CBLB: variants seen among roughly 807,000 people sequenced by gnomAD.
CBLB encodes E3 ubiquitin-protein ligase CBL-B.
A neutral mutation model predicts 104.9 loss-of-function variants in CBLB; 31 were observed. That is an observed-to-expected ratio of 0.30 (90% CI 0.22 to 0.40). The LOEUF is 0.40. CBLB is among the 10% of genes least tolerant of loss of function. The pLI, the probability that CBLB is intolerant of heterozygous loss-of-function variation, is 1.00. For missense variants in CBLB, 1,062 were observed against 1,214.6 expected (o/e 0.87, Z 1.87); for synonymous variants, 440 against 422.6 (o/e 1.04, Z -0.51).
intron 2 of CBLB, among the ~76,000 whole-genome samples, chr3:105,860,034 A>G (rs1470752663): frequency 6.6e-6 from 1 of 152,236 alleles, no homozygotes. Context: ...GATTGACATT[A>G]AGAAGCACCA....
At chr3:105,789,233 T>C (rs2081369452) in intron 3 of CBLB, among the ~76,000 whole-genome samples, 1 of 152,220 alleles carries the variant, frequency 6.6e-6, no homozygotes, top group African/African-American at 2.4e-5. Flanking sequence ...ATTATCACGA[T>C]ACTCAATTCT....
Position 105,655,530 on chromosome 3 carries a change from AGAATT to A in CBLB, c.*3435_*3439del, listed in dbSNP as rs770015117. 1 of 177,476 alleles carries A rather than the reference AGAATT, an allele frequency of 5.6e-6. No individual in the cohort carries two copies. The allele number at this position is 177,476 out of a possible 1,614,324, so 11.0% of individuals were successfully genotyped here. The stretch of plus-strand genomic sequence containing the variant: ...AAGTACTTGAGGTTACATAATAACC[AGAATT>A]GAAAAGGAATGAATAAAATATAAAT... On this transcript the variant is annotated 3_prime_UTR_variant, in exon 19 of 19. Transcript: ENST00000394030.
chr3:105,804,858 C>T (rs1243447911), intron 3 of CBLB, among the ~76,000 whole-genome samples: 1 of 152,070 alleles, frequency 6.6e-6, no homozygotes, highest in Non-Finnish European at 1.5e-5. Context: ...TATAGTAGAA[C>T]AGCCTTCCTT....
chr3:105,797,354 T>A (rs1407913651), intron 3 of CBLB, among the ~76,000 whole-genome samples: 1 of 152,130 alleles, frequency 6.6e-6, no homozygotes, highest in Non-Finnish European at 1.5e-5. Flanking sequence ...ATACCATATA[T>A]CCTCTTGTTT....
chr3:105,769,011 T>C (rs1306668449), intron 4 of CBLB, among the ~76,000 whole-genome samples: 1 of 152,214 alleles, frequency 6.6e-6, no homozygotes, highest in Non-Finnish European at 1.5e-5. Context: ...ATTATTCATG[T>C]AGTCTGTTAA....
chr3:105,751,658 T>C, intron 4 of CBLB, 40 bp from the exon 5 acceptor site: 1 of 1,554,962 alleles, frequency 6.4e-7, no homozygotes, highest in Non-Finnish European at 8.9e-7. Flanking sequence ...TTGAATCAAG[T>C]ATCATTTAAG....
intron 9 of CBLB, among the ~76,000 whole-genome samples, chr3:105,726,546 T>C (rs1576643070): frequency 8.4e-6 from 1 of 118,610 alleles, no homozygotes. Context: ...GCCATTTTCC[T>C]TTTTTTTTTT....
intron 10 of CBLB, among the ~76,000 whole-genome samples, chr3:105,706,812 A>G (rs2070223253): frequency 6.6e-6 from 1 of 152,212 alleles, no homozygotes. Context: ...AAGAATGCAC[A>G]GTTCTTTAGT....
chr3:105,685,290 T>TAA (rs2066867809), intron 14 of CBLB, 30 bp downstream of exon 14: 1 of 1,589,904 alleles, frequency 6.3e-7, no homozygotes, highest in Non-Finnish European at 8.6e-7. Context: ...TATGCAGATG[T>TAA]AAGTGGCAAA....
At chr3:105,746,916 G>A (rs1404069783) in intron 5 of CBLB, among the ~76,000 whole-genome samples, 1 of 152,168 alleles carries the variant, frequency 6.6e-6, no homozygotes. Context: ...TCTAAATAGT[G>A]ACTTGTGTAA....
chr3:105,795,498 G>A (rs1179549396), intron 3 of CBLB, among the ~76,000 whole-genome samples: 1 of 152,090 alleles, frequency 6.6e-6, no homozygotes, highest in Non-Finnish European at 1.5e-5. Context: ...TGTATAAAAT[G>A]TATTTATTTC....
At chr3:105,828,644 C>T (rs543894867) in intron 3 of CBLB, among the ~76,000 whole-genome samples, 4 of 152,186 alleles carry the variant, frequency 2.6e-5, no homozygotes, top group African/African-American at 9.6e-5. Context: ...AATAAATATG[C>T]ACTAATAAGT....
At chr3:105,778,556 AG>A (rs1166417466) in intron 3 of CBLB, among the ~76,000 whole-genome samples, 1 of 152,078 alleles carries the variant, frequency 6.6e-6, no homozygotes, top group Non-Finnish European at 1.5e-5. Context: ...TCCTTAAAAA[AG>A]TTTAAAAAAA....
At chr3:105,706,257 C>T (rs1225994212) in intron 10 of CBLB, among the ~76,000 whole-genome samples, 1 of 151,844 alleles carries the variant, frequency 6.6e-6, no homozygotes, top group Admixed American at 6.6e-5. Flanking sequence ...CTGTTGGTGC[C>T]GAATAACAAA....
chr3:105,731,201 A>G (rs1392543039), intron 9 of CBLB, among the ~76,000 whole-genome samples: 5 of 152,208 alleles, frequency 3.3e-5, no homozygotes, highest in Non-Finnish European at 7.4e-5. Flanking sequence ...TAATACAGAA[A>G]GACAACTGGG....
intron 12 of CBLB, among the ~76,000 whole-genome samples, chr3:105,693,888 T>C (rs1229600911): frequency 6.6e-6 from 1 of 151,992 alleles, no homozygotes; most frequent in Non-Finnish European, 1.5e-5. Flanking sequence ...GACAGTAAAA[T>C]TCACCAACTA....
intron 3 of CBLB, among the ~76,000 whole-genome samples, chr3:105,844,944 CT>C (rs1361453800): frequency 6.6e-6 from 1 of 152,140 alleles, no homozygotes; most frequent in African/African-American, 2.4e-5. Flanking sequence ...AACTCTGCCA[CT>C]TGAAAGACAT....
chr3:105,798,422 A>C (rs1304413550), intron 3 of CBLB, among the ~76,000 whole-genome samples: 1 of 152,248 alleles, frequency 6.6e-6, no homozygotes, highest in Non-Finnish European at 1.5e-5. Flanking sequence ...TATTTCCTTC[A>C]AAGTTTCATT....
chr3:105,766,409 ATAT>A lies in CBLB; in HGVS notation c.566+9984_566+9986del, dbSNP rs1014114345. ...TGAATGAAACTCTATTGTGAGTAAA[ATAT>A]TATCAAACAGCATTGCATGTTATAG... On this transcript the variant is annotated intron_variant, in intron 4 of 18. Transcript: ENST00000394030. Among the ~76,000 whole-genome samples the A allele has an allele frequency of 1.0e-3, 156 of 152,334 alleles. 1 individual carries two copies. The highest frequency in any genetic ancestry group is 3.6e-3 in the African/African-American group (149 of 41,590).
Sources: allele counts gnomAD v4.1 joint callset (sites outside exome capture counted in the v4.1 genomes callset), GRCh38; gene constraint gnomAD v4.1.1; transcripts MANE v1.5; gene names NCBI Gene and HGNC (gene_info 2026-07-23, HGNC 2026-07-21).